Variants in COL5A2 observed in about 807,000 individuals in gnomAD.
COL5A2 encodes collagen alpha-2(V) chain.
A neutral mutation model predicts 208.2 loss-of-function variants in COL5A2; 23 were observed. The ratio of observed to expected loss-of-function variants is 0.11; its 90% CI spans 0.08 to 0.16. COL5A2 has a LOEUF of 0.16. Ranked by LOEUF, COL5A2 falls within the 10% of genes least tolerant of loss-of-function variation. COL5A2 has a pLI of 1.00. For missense variants in COL5A2, 1,590 were observed against 1,956.4 expected (o/e 0.81, Z 3.53); for synonymous variants, 625 against 628.5 (o/e 0.99, Z 0.08).
the COL5A2 span, among the ~76,000 whole-genome samples, chr2:189,423,023 CAAAAAAAAAA>C: frequency 4.1e-3 from 462 of 112,828 alleles, 3 homozygotes; most frequent in African/African-American, 0.014. Context: ...AACTCTGTCT[CAAAAAAAAAA>C]AAAAAAAGAA....
upstream of COL5A2, among the ~76,000 whole-genome samples, chr2:189,181,040 A>T (rs1427792720): frequency 6.6e-6 from 1 of 152,216 alleles, no homozygotes; most frequent in Non-Finnish European, 1.5e-5. Context: ...TTCAAGGAAC[A>T]TATGTAGGTG....
chr2:189,080,984 A>T lies in COL5A2; in HGVS notation c.906+6T>A. On this transcript the variant is annotated splice_donor_region_variant and intron_variant, in intron 13 of 53. Transcript: ENST00000374866. ...ATCTGAGAGGATTACAATAGATTGA[A>T]CTTACTCGGTGACCCTTCAGACCTG... 1.9e-6 allele frequency: 3 copies of T among 1,612,138 alleles called. No individual in the cohort carries two copies.
At chr2:189,183,745 C>T (rs1018296772), upstream of COL5A2, among the ~76,000 whole-genome samples, 2 of 152,138 alleles carry the variant, frequency 1.3e-5, no homozygotes, top group Non-Finnish European at 2.9e-5. Context: ...AGAAAGCTGA[C>T]TCCCAGTTAC....
At chr2:189,153,267 G>C (rs1230025966) in intron 1 of COL5A2, among the ~76,000 whole-genome samples, 1 of 152,194 alleles carries the variant, frequency 6.6e-6, no homozygotes, top group African/African-American at 2.4e-5. Flanking sequence ...GTCAGATGGA[G>C]AAGAAACCTA....
the COL5A2 span, among the ~76,000 whole-genome samples, chr2:189,401,039 C>T: frequency 1.5e-5 from 1 of 66,502 alleles, no homozygotes; most frequent in South Asian, 6.6e-4. Flanking sequence ...TTTCCTTGTC[C>T]GAGTCATTCT....
At chr2:189,252,575 A>C in the COL5A2 span, among the ~76,000 whole-genome samples, 3 of 152,150 alleles carry the variant, frequency 2.0e-5, no homozygotes, top group African/African-American at 7.2e-5. Context: ...GAACACTTGG[A>C]CACAGGAAGG....
At chr2:189,098,035 T>A (rs371837438) in intron 5 of COL5A2, among the ~76,000 whole-genome samples, 1 of 150,962 alleles carries the variant, frequency 6.6e-6, no homozygotes, top group African/African-American at 2.4e-5. Flanking sequence ...AAAATGTTTT[T>A]CCCCCCCTGG....
the COL5A2 span, among the ~76,000 whole-genome samples, chr2:189,338,784 G>A: frequency 1.9e-4 from 28 of 150,766 alleles, no homozygotes; most frequent in African/African-American, 4.1e-4. Flanking sequence ...AGTAAAAGCC[G>A]TTCTTTCATT....
chr2:189,321,019 C>A, the COL5A2 span, among the ~76,000 whole-genome samples: 1 of 152,152 alleles, frequency 6.6e-6, no homozygotes, highest in Non-Finnish European at 1.5e-5. Context: ...ATTCAACATT[C>A]TTAAAGAAAA....
the COL5A2 span, among the ~76,000 whole-genome samples, chr2:189,412,818 C>T: frequency 6.6e-6 from 1 of 152,124 alleles, no homozygotes; most frequent in African/African-American, 2.4e-5. Context: ...CATCTCTTAA[C>T]ATCAAAACAT....
At chr2:189,046,867 T>C (rs1445274019) in intron 45 of COL5A2, among the ~76,000 whole-genome samples, 1 of 151,632 alleles carries the variant, frequency 6.6e-6, no homozygotes, top group African/African-American at 2.4e-5. Context: ...AAGTGGGCTG[T>C]AATCCCAGCA....
At chr2:189,174,694 T>G (rs1409532655) in intron 1 of COL5A2, among the ~76,000 whole-genome samples, 1 of 152,204 alleles carries the variant, frequency 6.6e-6, no homozygotes, top group African/African-American at 2.4e-5. Flanking sequence ...AGTCACAAGA[T>G]CTTAGGTGAT....
At chr2:189,324,674 T>C in the COL5A2 span, among the ~76,000 whole-genome samples, 6 of 152,080 alleles carry the variant, frequency 3.9e-5, no homozygotes, top group Non-Finnish European at 8.8e-5. Context: ...ACAACAGGTG[T>C]TGGAGAGGAT....
At chr2:189,355,466 G>C in the COL5A2 span, among the ~76,000 whole-genome samples, 1 of 152,146 alleles carries the variant, frequency 6.6e-6, no homozygotes, top group Non-Finnish European at 1.5e-5. Flanking sequence ...GGGTGCTCCT[G>C]TATTGGGTGC....
At chr2:189,138,505 T>C (rs1456908664) in intron 1 of COL5A2, among the ~76,000 whole-genome samples, 1 of 152,076 alleles carries the variant, frequency 6.6e-6, no homozygotes, top group African/African-American at 2.4e-5. Context: ...AGTACACACA[T>C]ATATATTTCC....
the COL5A2 span, among the ~76,000 whole-genome samples, chr2:189,369,829 C>T: frequency 7.2e-5 from 11 of 152,178 alleles, no homozygotes; most frequent in African/African-American, 2.4e-4. Flanking sequence ...GTTAGTTTTC[C>T]GATTGCATGA....
chr2:189,190,479 A>G (rs1338601357), intron 1 of COL5A2, among the ~76,000 whole-genome samples: 1 of 152,206 alleles, frequency 6.6e-6, no homozygotes, highest in Non-Finnish European at 1.5e-5. Flanking sequence ...CTGTTAATTT[A>G]CTTTAAAAAT....
chr2:189,286,736 A>G, the COL5A2 span, among the ~76,000 whole-genome samples: 1 of 152,194 alleles, frequency 6.6e-6, no homozygotes, highest in South Asian at 2.1e-4. Flanking sequence ...TGTAGTTTTT[A>G]AATTATTTTA....
At position 189,068,808 on chromosome 2, in the gene COL5A2, G is replaced by T; in HGVS notation, c.1235C>A (p.Pro412Gln). Residue 412 changes from proline (P) to glutamine (Q), a missense_variant, in exon 19 of 54, where the codon CCA becomes CAA. Transcript: ENST00000374866. ...GQRGETGPPG[P>Q]VGSPGLPGAI... is the part of the protein sequence containing the mutation. ...TACAGGAAGACCTGGAGAGCCAACT[G>T]GACCTGGGGGCCCAGTTTCACCTCT... 1 of 1,613,186 alleles carries T rather than the reference G, an allele frequency of 6.2e-7. No homozygotes were observed. Among genetic ancestry groups the T allele is most frequent in the Non-Finnish European group, 8.5e-7 (1 of 1,179,658 alleles).
Sources: allele counts gnomAD v4.1 joint callset (sites outside exome capture counted in the v4.1 genomes callset), GRCh38; gene constraint gnomAD v4.1.1; transcripts MANE v1.5; gene names NCBI Gene and HGNC (gene_info 2026-07-23, HGNC 2026-07-21).